PLCB1: variants seen among roughly 807,000 people sequenced by gnomAD.
PLCB1 encodes the protein phospholipase C beta 1, also known as 1-phosphatidylinositol 4,5-bisphosphate phosphodiesterase beta-1.
PLCB1 carries 46 observed loss-of-function variants against 161.8 expected under a neutral mutation model. That is an observed-to-expected ratio of 0.28 (90% CI 0.22 to 0.36). PLCB1 has a LOEUF of 0.36. PLCB1 is among the 10% of genes least tolerant of loss of function. The pLI, the probability that PLCB1 is intolerant of heterozygous loss-of-function variation, is 1.00. For missense variants in PLCB1, 1,016 were observed against 1,472.5 expected (o/e 0.69, Z 5.07); for synonymous variants, 517 against 503.7 (o/e 1.03, Z -0.35).
chr20:8,137,244 A>G (rs572555758), intron 1 of PLCB1, among the ~76,000 whole-genome samples: 13 of 152,356 alleles, frequency 8.5e-5, no homozygotes, highest in Admixed American at 5.9e-4. Context: ...CAAAATGATG[A>G]CAAGTAAATG....
chr20:8,821,263 G>A (rs951213452), intron 31 of PLCB1, among the ~76,000 whole-genome samples: 8 of 151,292 alleles, frequency 5.3e-5, no homozygotes, highest in African/African-American at 1.7e-4. Flanking sequence ...GGTGGATCAC[G>A]AGGTCAGGAG....
chr20:8,739,116 AC>A lies in PLCB1; in HGVS notation c.2209-144del, dbSNP rs1980735053. 9 of 640,622 alleles carry A rather than the reference AC, an allele frequency of 1.4e-5. No homozygotes were observed. In the South Asian group the frequency reaches 1.7e-4, roughly 12 times the overall value. The allele number at this position is 640,622 out of a possible 1,614,324, so 39.7% of individuals were successfully genotyped here. ...CAGTGAGCCAAGATCACGCCACTGC[AC>A]TTCAGCCTGGGTGACACAGCAAGAC... On this transcript the variant is annotated intron_variant, in intron 20 of 31. Coordinates refer to ENST00000338037, the MANE Select transcript of PLCB1 (RefSeq NM_015192.4).
intron 31 of PLCB1, among the ~76,000 whole-genome samples, chr20:8,818,818 G>A (rs1412904187): frequency 2.0e-5 from 3 of 152,006 alleles, no homozygotes; most frequent in African/African-American, 4.8e-5. Flanking sequence ...GCATGTGCTT[G>A]TAATCCCAGC....
rs56250302 is a variant in PLCB1, at chr20:8,474,010, G to T, written c.246+102560G>T. Among the ~76,000 whole-genome samples the T allele has an allele frequency of 1.1e-3, 168 of 152,310 alleles. 1 individual carries two copies. Among genetic ancestry groups the T allele is most frequent in the Non-Finnish European group, 2.2e-3 (151 of 68,040 alleles). ...GACAGTTAATTAATTGTCTGCAATA[G>T]TCTTGACTCTTGCCTGTCTCTCACT... On this transcript the variant is annotated intron_variant, in intron 3 of 31. Transcript: ENST00000338037.
chr20:8,342,935 C>T (rs162223), intron 2 of PLCB1, among the ~76,000 whole-genome samples: 9 of 152,088 alleles, frequency 5.9e-5, no homozygotes, highest in African/African-American at 2.2e-4. Flanking sequence ...CAAATCCCAA[C>T]AGTCCAATAA....
chr20:8,627,865 G>A (rs1221322954), intron 3 of PLCB1, among the ~76,000 whole-genome samples: 1 of 152,184 alleles, frequency 6.6e-6, no homozygotes, highest in African/African-American at 2.4e-5. Flanking sequence ...GAGAGCCAGG[G>A]CTGTGTTTCT....
intron 3 of PLCB1, among the ~76,000 whole-genome samples, chr20:8,499,204 AGCTTATGT>A: frequency 6.6e-6 from 1 of 152,362 alleles, no homozygotes; most frequent in South Asian, 2.1e-4. Context: ...TAACTATAAT[AGCTTATGT>A]GCTTTTGGGA....
intron 12 of PLCB1, chr20:8,715,940 A>T (rs1395702706): frequency 3.8e-6 from 1 of 265,170 alleles, no homozygotes; most frequent in Non-Finnish European, 7.1e-6. Context: ...ACTTGGAATC[A>T]GCGAGTTAAA....
At chr20:8,865,492 G>A (rs1353224983) in intron 31 of PLCB1, among the ~76,000 whole-genome samples, 2 of 152,166 alleles carry the variant, frequency 1.3e-5, no homozygotes, top group Non-Finnish European at 2.9e-5. Flanking sequence ...GAATGTATTG[G>A]TTAGCATAAT....
At chr20:8,663,509 C>G (rs1989738273) in intron 9 of PLCB1, among the ~76,000 whole-genome samples, 2 of 152,060 alleles carry the variant, frequency 1.3e-5, no homozygotes, top group African/African-American at 4.8e-5. Context: ...AGACAATAGA[C>G]TTTGATCTTC....
intron 3 of PLCB1, among the ~76,000 whole-genome samples, chr20:8,569,326 A>C (rs1483277855): frequency 2.0e-5 from 3 of 152,236 alleles, no homozygotes; most frequent in African/African-American, 7.2e-5. Context: ...TTAATAGTAA[A>C]ATACATATCA....
intron 4 of PLCB1, among the ~76,000 whole-genome samples, chr20:8,644,381 G>C (rs1989075217): frequency 6.8e-6 from 1 of 146,318 alleles, no homozygotes; most frequent in African/African-American, 2.7e-5. Flanking sequence ...ATCCCATCTA[G>C]GAAGTGAGGA....
chr20:8,177,908 A>G (rs1228748238), intron 2 of PLCB1, among the ~76,000 whole-genome samples: 1 of 152,020 alleles, frequency 6.6e-6, no homozygotes, highest in Admixed American at 6.6e-5. Flanking sequence ...ATGTGTACTC[A>G]ATGTTTAGCT....
rs561537792 is a variant in PLCB1 at position 8,545,377 on chromosome 20, A to G, written c.247-82917A>G. 2.3e-3 allele frequency among the ~76,000 whole-genome samples: 346 copies of G among 152,318 alleles called. 1 individual carries two copies. Among genetic ancestry groups the G allele is most frequent in the Non-Finnish European group, 3.0e-3 (207 of 68,028 alleles). ...GAAGGTTTTCCATGCTAGCCTTTCT[A>G]GGCTGGAAATGGAAAACCACTGGAG... is the stretch of plus-strand genomic sequence containing the variant. On this transcript the variant is annotated intron_variant, in intron 3 of 31. Transcript: ENST00000338037.
At chr20:8,239,256 T>G (rs1347213072) in intron 2 of PLCB1, among the ~76,000 whole-genome samples, 1 of 151,862 alleles carries the variant, frequency 6.6e-6, no homozygotes. Context: ...TAAAATCTAG[T>G]TGGAATGTGA....
chr20:8,610,630 T>C (rs865795362), intron 3 of PLCB1, among the ~76,000 whole-genome samples: 1 of 152,198 alleles, frequency 6.6e-6, no homozygotes, highest in African/African-American at 2.4e-5. Context: ...TCAGATAGAA[T>C]TCATAAATAT....
chr20:8,504,699 C>G (rs967500740), intron 3 of PLCB1, among the ~76,000 whole-genome samples: 2 of 152,044 alleles, frequency 1.3e-5, no homozygotes, highest in Non-Finnish European at 2.9e-5. Flanking sequence ...CCAAACCAAA[C>G]CAACCAAACA....
intron 26 of PLCB1, among the ~76,000 whole-genome samples, chr20:8,765,679 T>C (rs1159879549): frequency 6.6e-6 from 1 of 152,036 alleles, no homozygotes; most frequent in African/African-American, 2.4e-5. Flanking sequence ...TAGAACCTAG[T>C]TGGAGAGGCA....
At chr20:8,366,440 C>T (rs562692291) in intron 2 of PLCB1, among the ~76,000 whole-genome samples, 35 of 152,240 alleles carry the variant, frequency 2.3e-4, no homozygotes, top group African/African-American at 6.3e-4. Flanking sequence ...AGCAGGGTGT[C>T]GTTCATTCAC....
Sources: gnomAD v4.1 joint callset for allele counts (sites outside exome capture counted in the v4.1 genomes callset) on GRCh38, gnomAD v4.1.1 for gene constraint, MANE v1.5 for transcripts, NCBI Gene and HGNC (gene_info 2026-07-23, HGNC 2026-07-21) for gene names.